Variants in DSCAM observed in about 807,000 individuals in gnomAD.
The protein encoded by DSCAM is DS cell adhesion molecule, also known as cell adhesion molecule DSCAM.
A neutral mutation model predicts 217.7 loss-of-function variants in DSCAM; 47 were observed. That is an observed-to-expected ratio of 0.22 (90% CI 0.17 to 0.28). DSCAM has a LOEUF of 0.28. Ranked by LOEUF, DSCAM falls within the 10% of genes least tolerant of loss-of-function variation. The probability of loss-of-function intolerance (pLI) is 1.00; values close to 1 mark genes in which losing one functional copy is unlikely to be tolerated. For synonymous variants in DSCAM, 1,056 were observed against 1,015.3 expected, an observed-to-expected ratio of 1.04 and a Z score of -0.76; for missense variants, 2,080 against 2,618.3, an observed-to-expected ratio of 0.79 and a Z score of 4.49.
chr21:40,150,125 T>C (rs992743323), intron 16 of DSCAM, among the ~76,000 whole-genome samples: 1 of 152,238 alleles, frequency 6.6e-6, no homozygotes, highest in Non-Finnish European at 1.5e-5. Context: ...AGTATAAGTA[T>C]GCTTCTTTAC....
intron 3 of DSCAM, among the ~76,000 whole-genome samples, chr21:40,575,221 G>A (rs535154179): frequency 2.7e-4 from 31 of 114,276 alleles, no homozygotes; most frequent in African/African-American, 5.4e-4. Flanking sequence ...CCCCCACTCC[G>A]GCCCTCCAGA....
intron 16 of DSCAM, among the ~76,000 whole-genome samples, chr21:40,164,862 A>T (rs1378687363): frequency 6.6e-6 from 1 of 152,196 alleles, no homozygotes; most frequent in Non-Finnish European, 1.5e-5. Context: ...TGATCAATAG[A>T]GGGTGTCATT....
chr21:40,547,231 C>A (rs2076590546), intron 3 of DSCAM, among the ~76,000 whole-genome samples: 1 of 152,148 alleles, frequency 6.6e-6, no homozygotes. Flanking sequence ...ATCCATTTTT[C>A]TCCACACTCC....
At chr21:40,845,936 G>A (rs921138493) in intron 1 of DSCAM, among the ~76,000 whole-genome samples, 4 of 151,576 alleles carry the variant, frequency 2.6e-5, no homozygotes, top group African/African-American at 9.7e-5. Context: ...AATATTGGCT[G>A]GGCATGAGGA....
chr21:40,436,946 C>A (rs1414096165), intron 3 of DSCAM, among the ~76,000 whole-genome samples: 1 of 152,158 alleles, frequency 6.6e-6, no homozygotes, highest in Non-Finnish European at 1.5e-5. Flanking sequence ...AGGGCATATA[C>A]TGTTTTCCAA....
intron 10 of DSCAM, among the ~76,000 whole-genome samples, chr21:40,290,498 A>G (rs1378487397): frequency 6.6e-6 from 1 of 152,120 alleles, no homozygotes; most frequent in Non-Finnish European, 1.5e-5. Context: ...GTGCATGGCT[A>G]TAGTCCCAGC....
At chr21:40,378,614 C>A (rs1024617188) in intron 3 of DSCAM, among the ~76,000 whole-genome samples, 2 of 91,122 alleles carry the variant, frequency 2.2e-5, no homozygotes, top group Non-Finnish European at 3.9e-5. Flanking sequence ...TTTTTTGAGA[C>A]GGAGTCTCGC....
At chr21:40,761,379 C>G (rs1343058565) in intron 1 of DSCAM, among the ~76,000 whole-genome samples, 2 of 152,038 alleles carry the variant, frequency 1.3e-5, no homozygotes, top group Non-Finnish European at 2.9e-5. Flanking sequence ...GCATCTCTCT[C>G]TCTCTCCCTC....
chr21:40,300,724 C>T lies in DSCAM; in HGVS notation c.2063-4550G>A, dbSNP rs578181892. Reference sequence around the variant, plus strand: ...AATTATGAGGCCTGCTCTGTGCCTGCGCTTCTCAAACATTAGAGGGCATCA... The same window carrying T: ...AATTATGAGGCCTGCTCTGTGCCTGTGCTTCTCAAACATTAGAGGGCATCA... On this transcript the variant is annotated intron_variant, in intron 9 of 32. Transcript: ENST00000400454. Among the ~76,000 whole-genome samples, 15 of 152,326 alleles carry T rather than the reference C, an allele frequency of 9.8e-5. 2 individuals carry two copies. In the South Asian group the frequency reaches 2.1e-3, roughly 21 times the overall value.
chr21:40,841,708 T>G (rs1018673747), intron 1 of DSCAM, among the ~76,000 whole-genome samples: 1 of 152,106 alleles, frequency 6.6e-6, no homozygotes, highest in Non-Finnish European at 1.5e-5. Context: ...GGTCAGCCAA[T>G]CAGGCGCGGA....
In DSCAM at chr21:40,054,531, T is replaced by C. The variant is rs150533518; in HGVS notation, c.5035+1194A>G. The stretch of plus-strand genomic sequence containing the variant: ...CCTTCCCGGCAGGAGGCAGCTGGGC[T>C]ATGTGCTGAGAGTCAGGCAGTTTAT... On this transcript the variant is annotated intron_variant, in intron 29 of 32. Coordinates refer to ENST00000400454, the MANE Select transcript of DSCAM (RefSeq NM_001389.5). Among the ~76,000 whole-genome samples the C allele has an allele frequency of 1.5e-3, 229 of 152,332 alleles. 1 individual carries two copies. Among genetic ancestry groups the C allele is most frequent in the African/African-American group, 5.0e-3 (208 of 41,570 alleles).
chr21:40,097,707 C>T (rs952457823), intron 20 of DSCAM, among the ~76,000 whole-genome samples: 7 of 151,728 alleles, frequency 4.6e-5, no homozygotes, highest in East Asian at 1.9e-4. Context: ...TGTGGGAGGC[C>T]GAGGCAGGTG....
chr21:40,077,701 T>C (rs919599091), intron 26 of DSCAM, among the ~76,000 whole-genome samples: 3 of 152,096 alleles, frequency 2.0e-5, no homozygotes, highest in Non-Finnish European at 2.9e-5. Context: ...CACCCACAGG[T>C]AGAGGAGCAC....
intron 16 of DSCAM, among the ~76,000 whole-genome samples, chr21:40,162,159 C>G (rs973185327): frequency 1.3e-5 from 2 of 152,190 alleles, no homozygotes; most frequent in African/African-American, 2.4e-5. Context: ...GAGGCAGAAC[C>G]AGGCAGCCTG....
At position 40,578,589 on chromosome 21, in the gene DSCAM, C is replaced by G. The variant is rs112956636; in HGVS notation, c.508+114221G>C. 4.8e-3 allele frequency among the ~76,000 whole-genome samples: 729 copies of G among 152,276 alleles called. 6 individuals are homozygous for G. Among genetic ancestry groups the G allele is most frequent in the African/African-American group, 0.016 (679 of 41,552 alleles). ...CTGGCCACTGGAGCCAGCAGCAGCA[C>G]CCAGCGTGGGACCCCTTTTGCACTG... On this transcript the variant is annotated intron_variant, in intron 3 of 32. Transcript: ENST00000400454.
chr21:40,449,439 T>C (rs2075701666), intron 3 of DSCAM, among the ~76,000 whole-genome samples: 1 of 152,210 alleles, frequency 6.6e-6, no homozygotes, highest in Admixed American at 6.5e-5. Flanking sequence ...CTAATCCGTA[T>C]CCTTGTATTC....
intron 6 of DSCAM, among the ~76,000 whole-genome samples, chr21:40,342,392 C>G (rs1243366644): frequency 2.0e-5 from 3 of 151,610 alleles, no homozygotes; most frequent in Non-Finnish European, 4.4e-5. Context: ...TTTCTGTGTC[C>G]TAAGAAATCG....
intron 11 of DSCAM, among the ~76,000 whole-genome samples, chr21:40,270,890 AG>A (rs2073607071): frequency 1.3e-5 from 2 of 152,206 alleles, no homozygotes; most frequent in Non-Finnish European, 2.9e-5. Context: ...TACTGGTGGC[AG>A]TGGGTGAGGG....
intron 3 of DSCAM, among the ~76,000 whole-genome samples, chr21:40,471,484 A>G (rs2075887904): frequency 6.6e-6 from 1 of 152,214 alleles, no homozygotes; most frequent in South Asian, 2.1e-4. Flanking sequence ...ATGAGACAGT[A>G]CTAGGGTTAC....
Sources: allele counts gnomAD v4.1 joint callset (sites outside exome capture counted in the v4.1 genomes callset), GRCh38; gene constraint gnomAD v4.1.1; transcripts MANE v1.5; gene names NCBI Gene and HGNC (gene_info 2026-07-23, HGNC 2026-07-21).